Variants in UBXN11 observed in about 807,000 individuals in gnomAD.
UBXN11 encodes the protein UBX domain protein 11.
UBXN11 carries 47 observed loss-of-function variants against 62.8 expected under a neutral mutation model. That is an observed-to-expected ratio of 0.75 (90% CI 0.59 to 0.95). UBXN11 has a LOEUF of 0.95. UBXN11 is among the 40% of genes least tolerant of loss of function. The pLI is 0.00. For missense variants in UBXN11, 638 were observed against 661.7 expected (o/e 0.96, Z 0.39); for synonymous variants, 294 against 267.0 (o/e 1.10, Z -0.99).
intron 8 of UBXN11, among the ~76,000 whole-genome samples, chr1:26,288,333 G>A (rs554982784): frequency 1.3e-5 from 2 of 152,296 alleles, no homozygotes; most frequent in African/African-American, 4.8e-5. Flanking sequence ...AAACGACGAA[G>A]GGGAAGAGAG....
In UBXN11 at chr1:26,282,497, C is replaced by T. The variant is rs373852862; in HGVS notation, c.1365G>A (p.Thr455=). The change falls in exon 15 of 15, where the codon ACG becomes ACA. Residue 455 remains threonine, a synonymous_variant. Coordinates refer to ENST00000374222, the MANE Select transcript of UBXN11 (RefSeq NM_001389556.1). ...PPTLYQDDTL[T]LQAAGLVPKA... ...TGGGCACAAGGCCTGCAGCCTGCAG[C>T]GTGAGTGTATCGTCCTGGTAGAGGG... 12 of 1,605,980 alleles carry T rather than the reference C, an allele frequency of 7.5e-6. No individual in the cohort carries two copies. Among genetic ancestry groups the T allele is most frequent in the African/African-American group, 6.7e-5 (5 of 74,808 alleles).
intron 8 of UBXN11, among the ~76,000 whole-genome samples, chr1:26,293,517 G>A (rs1454482380): frequency 1.3e-5 from 2 of 151,978 alleles, no homozygotes; most frequent in Non-Finnish European, 2.9e-5. Context: ...CACGAGGTCA[G>A]GAGTTCAAGA....
intron 8 of UBXN11, among the ~76,000 whole-genome samples, chr1:26,292,286 G>C (rs78818380): frequency 0.019 from 2,928 of 152,262 alleles, 77 homozygotes; most frequent in African/African-American, 0.065. Context: ...GGGAGGCTGA[G>C]GCAGCAGGAT....
At chr1:26,300,822 G>C in intron 4 of UBXN11, 104 bp downstream of exon 4, 1 of 1,561,904 alleles carries the variant, frequency 6.4e-7, no homozygotes, top group Non-Finnish European at 8.7e-7. Context: ...AGCTGCCTCA[G>C]ACCAAACAGG....
At chr1:26,284,293 G>A (rs2073072818) in intron 11 of UBXN11, 48 bp from the exon 12 acceptor site, 1 of 1,610,188 alleles carries the variant, frequency 6.2e-7, no homozygotes, top group Non-Finnish European at 8.5e-7. Context: ...TATGAGTGGT[G>A]GTGGAGCCCC....
chr1:26,299,084 G>A (rs902915412), intron 4 of UBXN11, among the ~76,000 whole-genome samples: 1 of 152,176 alleles, frequency 6.6e-6, no homozygotes. Context: ...GGCTGAGGAA[G>A]GGTTTTCTTT....
chr1:26,317,929 C>T (rs773269668), intron 1 of UBXN11: 69 of 1,187,920 alleles, frequency 5.8e-5, no homozygotes, highest in Non-Finnish European at 8.2e-5. Context: ...CCTCCTGGTT[C>T]AAAAGCAGCT....
intron 1 of UBXN11, among the ~76,000 whole-genome samples, chr1:26,317,227 A>G (rs548452674): frequency 6.6e-6 from 1 of 152,060 alleles, no homozygotes; most frequent in East Asian, 1.9e-4. Context: ...CTCTGTTTAA[A>G]AAAAAAAACA....
intron 8 of UBXN11, among the ~76,000 whole-genome samples, chr1:26,292,396 G>A (rs1012351634): frequency 2.6e-5 from 4 of 152,202 alleles, no homozygotes; most frequent in South Asian, 2.1e-4. Context: ...GCACGTGCCT[G>A]CAGTCCCAGC....
intron 1 of UBXN11, among the ~76,000 whole-genome samples, chr1:26,304,148 G>A (rs796284771): frequency 2.6e-5 from 4 of 152,166 alleles, no homozygotes; most frequent in African/African-American, 9.7e-5. Context: ...AGTCAGCAAG[G>A]GAATCTATGC....
Position 26,282,386 on chromosome 1 carries a change from G to GCCGGGA in UBXN11, c.1470_1475dup (p.Gly492_Pro493dup), listed in dbSNP as rs140364749. ...GGCCGGGACCGGGACCGGGACTGGGGCCGGGACCGGGACCGGGACAGGGAC... is the reference window on the plus strand; with the variant it reads ...GGCCGGGACCGGGACCGGGACTGGGGCCGGGACCGGGACCGGGACCGGGACAGGGAC... On this transcript the variant is annotated inframe_insertion, in exon 15 of 15. Transcript: ENST00000374222. The GCCGGGA allele has an allele frequency of 4.3e-4, 349 of 804,186 alleles. 15 individuals carry two copies. The East Asian group carries it at 9.6e-3, about 22-fold the overall frequency. The allele number at this position is 804,186 out of a possible 1,614,324, so 49.8% of individuals were successfully genotyped here.
intron 12 of UBXN11, 148 bp from the exon 13 acceptor site, chr1:26,283,085 G>A: frequency 2.0e-6 from 2 of 1,013,372 alleles, no homozygotes; most frequent in Admixed American, 4.5e-5. Context: ...AAGGCCAGAG[G>A]AGAGGCAATG....
At position 26,301,583 on chromosome 1, in the gene UBXN11, G is replaced by A. The variant is rs1216018874; in HGVS notation, c.100+111C>T. On this transcript the variant is annotated intron_variant, in intron 3 of 14. Transcript: ENST00000374222. Reference sequence around the variant, plus strand: ...AGCTGCACAGAACACGGTGGAGGCCGCTGCTCCAGCTGACAAGGGCCTTTC... The same window carrying A: ...AGCTGCACAGAACACGGTGGAGGCCACTGCTCCAGCTGACAAGGGCCTTTC... 7 of 1,462,768 alleles carry A rather than the reference G, an allele frequency of 4.8e-6. No homozygotes were observed. The South Asian group carries it at 5.0e-5, about 11-fold the overall frequency. The allele number at this position is 1,462,768 out of a possible 1,614,324, so 90.6% of individuals were successfully genotyped here.
intron 8 of UBXN11, among the ~76,000 whole-genome samples, chr1:26,289,187 G>C (rs1287902486): frequency 3.3e-5 from 5 of 152,090 alleles, no homozygotes; most frequent in Non-Finnish European, 7.4e-5. Context: ...GGCCTCTATG[G>C]GCCTCAGCTT....
chr1:26,286,967 G>A (rs965616554), intron 8 of UBXN11, among the ~76,000 whole-genome samples: 7 of 152,202 alleles, frequency 4.6e-5, no homozygotes, highest in African/African-American at 1.7e-4. Context: ...CCAAAGTGCT[G>A]GGATTACAGG....
rs1312586883 is a variant in UBXN11, at chr1:26,282,285, AG to A, written c.*13del. The A allele has an allele frequency of 1.4e-6, 2 of 1,471,620 alleles. No individual in the cohort carries two copies. The highest frequency in any genetic ancestry group is 1.4e-5 in the South Asian group (1 of 69,620). The allele number at this position is 1,471,620 out of a possible 1,614,324, so 91.2% of individuals were successfully genotyped here. A position where few individuals can be genotyped will look rare whatever the true frequency, so the allele number is the denominator to read the frequency against. On this transcript the variant is annotated 3_prime_UTR_variant, in exon 15 of 15. Transcript: ENST00000374222. ...AAGAGCCTGGCGGAGCAGCGGGTTG[AG>A]GGGGCGGGTGCTTTATTGGGGGCTG...
At chr1:26,298,985 T>C (rs920542575) in intron 4 of UBXN11, among the ~76,000 whole-genome samples, 3 of 152,062 alleles carry the variant, frequency 2.0e-5, no homozygotes, top group Non-Finnish European at 2.9e-5. Flanking sequence ...CCTGATGATG[T>C]CTTGGAGTCA....
Position 26,285,869 on chromosome 1 carries a change from A to G in UBXN11, c.728T>C (p.Met243Thr), listed in dbSNP as rs990905455. The G allele has an allele frequency of 1.2e-6, 2 of 1,612,294 alleles. No individual in the cohort carries two copies. The highest frequency in any genetic ancestry group is 1.7e-5 in the Admixed American group (1 of 59,960). The change falls in exon 9 of 15, where the codon ATG becomes ACG. Residue 243 changes from methionine (M) to threonine (T), a missense_variant. Transcript: ENST00000374222. ...IPLKLYRNGIMMFDGPFQPFY... is the reference protein window; with the variant it reads ...IPLKLYRNGITMFDGPFQPFY... ...GGGCTGGAAGGGCCCGTCGAACATC[A>G]TGATGCCATTCCGGTAGAGCTTCAG...
In UBXN11 at chr1:26,305,500, C is replaced by A. The variant is rs555424338; in HGVS notation, c.-36+1092G>T. ...CACCCCCAATTTACCCTCCAGCCCC[C>A]ACCCCTTTTCCAAGGCAGCCTTAGG... On this transcript the variant is annotated intron_variant, in intron 1 of 14. Transcript: ENST00000374222. Among the ~76,000 whole-genome samples the A allele has an allele frequency of 3.9e-5, 6 of 152,234 alleles. No homozygotes were observed. The South Asian group carries it at 1.0e-3, about 26-fold the overall frequency.
Sources: allele counts gnomAD v4.1 joint callset (sites outside exome capture counted in the v4.1 genomes callset), GRCh38; gene constraint gnomAD v4.1.1; transcripts MANE v1.5; gene names NCBI Gene and HGNC (gene_info 2026-07-23, HGNC 2026-07-21).